The following GPHN variants were observed in gnomAD, a reference collection of about 807,000 sequenced individuals.
GPHN encodes the protein gephyrin.
Under a neutral mutation model 95.5 loss-of-function variants are expected in GPHN, and 17 were observed. That is an observed-to-expected ratio of 0.18 (90% CI 0.12 to 0.27). GPHN has a LOEUF of 0.27. GPHN is among the 10% of genes least tolerant of loss of function. The pLI is 1.00. For missense variants in GPHN, 660 were observed against 978.1 expected, an observed-to-expected ratio of 0.67 and a Z score of 4.34; for synonymous variants, 320 against 322.5, an observed-to-expected ratio of 0.99 and a Z score of 0.08.
chr14:67,406,191 G>A, the GPHN span, among the ~76,000 whole-genome samples: 10 of 151,382 alleles, frequency 6.6e-5, no homozygotes, highest in Non-Finnish European at 1.0e-4. Context: ...CCCAGGAGGA[G>A]GAGGTTGCAG....
intron 8 of GPHN, among the ~76,000 whole-genome samples, chr14:66,948,480 A>G (rs2153577299): frequency 6.6e-6 from 1 of 152,168 alleles, no homozygotes. Context: ...GTTAAATTTC[A>G]TTTTGTTGGA....
At chr14:66,876,557 A>G (rs754705835) in intron 4 of GPHN, among the ~76,000 whole-genome samples, 5 of 152,208 alleles carry the variant, frequency 3.3e-5, no homozygotes, top group Non-Finnish European at 7.3e-5. Flanking sequence ...AAAATGATAA[A>G]TGGGATATCA....
chr14:66,532,930 G>C (rs763236514), intron 1 of GPHN, among the ~76,000 whole-genome samples: 1 of 152,180 alleles, frequency 6.6e-6, no homozygotes, highest in Non-Finnish European at 1.5e-5. Flanking sequence ...GAGGAAGAAT[G>C]CTGATTGTCC....
chr14:67,431,821 G>C, the GPHN span, among the ~76,000 whole-genome samples: 1 of 152,184 alleles, frequency 6.6e-6, no homozygotes, highest in East Asian at 1.9e-4. Context: ...GGTTTCCGCA[G>C]GGGGCAGTCA....
At chr14:66,767,441 G>GAA (rs375844697) in intron 2 of GPHN, among the ~76,000 whole-genome samples, 11 of 96,912 alleles carry the variant, frequency 1.1e-4, no homozygotes, top group Non-Finnish European at 2.8e-4. Flanking sequence ...TTTTTGAACA[G>GAA]AAAAAAAAAA....
chr14:66,510,507 G>A (rs141248985), intron 1 of GPHN, among the ~76,000 whole-genome samples: 248 of 152,292 alleles, frequency 1.6e-3, no homozygotes, highest in Admixed American at 4.0e-3. Context: ...GTCTAATATG[G>A]ATAACATTGA....
chr14:67,399,594 A>C, the GPHN span, among the ~76,000 whole-genome samples: 9 of 135,180 alleles, frequency 6.7e-5, no homozygotes, highest in East Asian at 2.4e-4. Flanking sequence ...AGAGAAGGGT[A>C]GTTTAGGTGG....
At chr14:66,929,044 T>C (rs1015339832) in intron 8 of GPHN, among the ~76,000 whole-genome samples, 3 of 145,958 alleles carry the variant, frequency 2.1e-5, no homozygotes, top group Non-Finnish European at 4.4e-5. Flanking sequence ...AGAGATTAAG[T>C]CCAATGTTTC....
intron 9 of GPHN, among the ~76,000 whole-genome samples, chr14:67,022,568 G>GTGT (rs1555466198): frequency 1.9e-4 from 4 of 20,878 alleles, no homozygotes; most frequent in South Asian, 4.7e-3. Flanking sequence ...TTTTTTTTTT[G>GTGT]GTGTGTGTGT....
the GPHN span, among the ~76,000 whole-genome samples, chr14:67,290,755 C>T: frequency 9.2e-5 from 14 of 151,928 alleles, no homozygotes; most frequent in Non-Finnish European, 1.6e-4. Context: ...GGCTGGTCTC[C>T]ACCTCCTGGA....
At chr14:67,479,176 G>C in the GPHN span, among the ~76,000 whole-genome samples, 3 of 152,186 alleles carry the variant, frequency 2.0e-5, no homozygotes, top group Non-Finnish European at 2.9e-5. Flanking sequence ...GGGAGGCTGA[G>C]GTGGGTGGAT....
At chr14:67,583,682 C>T in the GPHN span, 25 of 1,366,352 alleles carry the variant, frequency 1.8e-5, no homozygotes, top group South Asian at 3.1e-4. Flanking sequence ...CTCAACAGCC[C>T]CCACCTGGCC....
intron 1 of GPHN, among the ~76,000 whole-genome samples, chr14:66,611,689 C>T (rs1377638244): frequency 6.6e-6 from 1 of 152,122 alleles, no homozygotes; most frequent in African/African-American, 2.4e-5. Context: ...AGAAGAATCT[C>T]TGTGTTTTAA....
chr14:67,404,842 AATACT>A, the GPHN span, among the ~76,000 whole-genome samples: 2 of 152,110 alleles, frequency 1.3e-5, no homozygotes, highest in South Asian at 4.1e-4. Flanking sequence ...AAGTATTTCT[AATACT>A]TATGTATTTC....
At chr14:67,171,445 G>A (rs760459985) in intron 21 of GPHN, among the ~76,000 whole-genome samples, 4 of 151,830 alleles carry the variant, frequency 2.6e-5, no homozygotes, top group South Asian at 2.1e-4. Context: ...TATTGACCCC[G>A]TGTTTCCATG....
chr14:67,500,366 C>T, the GPHN span, among the ~76,000 whole-genome samples: 7 of 151,628 alleles, frequency 4.6e-5, no homozygotes, highest in African/African-American at 1.5e-4. Context: ...CCCAGCTACT[C>T]GGGAGGCTGA....
At chr14:66,850,746 A>C (rs922624460) in intron 4 of GPHN, among the ~76,000 whole-genome samples, 4 of 152,150 alleles carry the variant, frequency 2.6e-5, no homozygotes, top group African/African-American at 9.7e-5. Flanking sequence ...AAAAACCCTC[A>C]TGACATAATA....
At chr14:67,437,658 G>T in the GPHN span, among the ~76,000 whole-genome samples, 6 of 152,258 alleles carry the variant, frequency 3.9e-5, no homozygotes, top group East Asian at 5.8e-4. Context: ...CTGGAGGAGG[G>T]GGGAGAGAGA....
intron 12 of GPHN, among the ~76,000 whole-genome samples, chr14:67,093,248 G>C (rs3784080): frequency 0.067 from 10,102 of 151,858 alleles, 358 homozygotes; most frequent in Middle Eastern, 0.085. Context: ...CAAAAATAAT[G>C]AAAAAGAACA....
Sources: allele counts gnomAD v4.1 joint callset (sites outside exome capture counted in the v4.1 genomes callset), GRCh38; gene constraint gnomAD v4.1.1; transcripts MANE v1.5; gene names NCBI Gene and HGNC (gene_info 2026-07-23, HGNC 2026-07-21).